The following SLC30A4 variants were observed in gnomAD, a reference collection of about 807,000 sequenced individuals.
SLC30A4 encodes solute carrier family 30 member 4, also known as probable proton-coupled zinc antiporter SLC30A4.
SLC30A4 carries 20 observed loss-of-function variants against 41.7 expected under a neutral mutation model. That is an observed-to-expected ratio of 0.48 (90% CI 0.34 to 0.70). SLC30A4 has a LOEUF of 0.70. Among genes scored for constraint, SLC30A4 ranks in the 30% least tolerant of loss-of-function variants. The pLI is 0.01. For missense variants in SLC30A4, 441 were observed against 529.3 expected, an observed-to-expected ratio of 0.83 and a Z score of 1.64; for synonymous variants, 181 against 195.9, an observed-to-expected ratio of 0.92 and a Z score of 0.64.
intron 3 of SLC30A4, chr15:45,503,079 T>G (rs1161744669): frequency 1.3e-5 from 2 of 152,094 alleles, no homozygotes; most frequent in Non-Finnish European, 1.5e-5. Context: ...ATTATCAGTT[T>G]CTATACACCT....
rs1482982734 is a variant in SLC30A4 at position 45,485,030 on chromosome 15, A to G, written c.*133T>C. On this transcript the variant is annotated 3_prime_UTR_variant, in exon 8 of 8. Coordinates refer to ENST00000261867, the MANE Select transcript of SLC30A4 (RefSeq NM_013309.6). ...AGACTAGCACTGTCAGGCTGGGGCA[A>G]CTGTTTGAGAGACTGATGCTTGATA... 2 of 658,094 alleles carry G rather than the reference A, an allele frequency of 3.0e-6. No homozygotes were observed. Among genetic ancestry groups the G allele is most frequent in the African/African-American group, 3.7e-5 (2 of 54,020 alleles). 40.8% of individuals were successfully genotyped at this position (658,094 alleles called of 1,614,324 possible).
chr15:45,508,273 T>TTCTTG (rs1892202515), intron 3 of SLC30A4, among the ~76,000 whole-genome samples: 1 of 152,216 alleles, frequency 6.6e-6, no homozygotes, highest in African/African-American at 2.4e-5. Flanking sequence ...TCCACACTAA[T>TTCTTG]TCTTAGTTTT....
chr15:45,511,341 A>T (rs1017076817), intron 2 of SLC30A4, 57 bp from the exon 3 acceptor site: 1 of 1,303,528 alleles, frequency 7.7e-7, no homozygotes, highest in Admixed American at 2.3e-5. Flanking sequence ...AAAAGCAAGC[A>T]ATCAAACTAG....
rs1891689753 is a variant in SLC30A4, at chr15:45,485,738, A to G, written c.1136-421T>C. On this transcript the variant is annotated intron_variant, in intron 7 of 7. Transcript: ENST00000261867. ...TCTTTCTTTTTTTTTTTTTTTTAAG[A>G]TGGAGTTTCGCTCTTGTTGCCCAGG... 4.8e-5 allele frequency among the ~76,000 whole-genome samples: 7 copies of G among 146,958 alleles called. No individual in the cohort carries two copies. The South Asian group carries it at 1.5e-3, about 32-fold the overall frequency.
intron 3 of SLC30A4, among the ~76,000 whole-genome samples, chr15:45,493,694 C>T (rs763577246): frequency 1.6e-4 from 25 of 152,014 alleles, no homozygotes; most frequent in Non-Finnish European, 3.5e-4. Flanking sequence ...GGCGTGGTGG[C>T]GGGCCCCTGT....
intron 2 of SLC30A4, chr15:45,520,790 T>C (rs764281548): frequency 7.5e-5 from 19 of 254,570 alleles, no homozygotes; most frequent in South Asian, 1.3e-4. Flanking sequence ...CATATATTTA[T>C]ACACATGTGA....
Position 45,522,626 on chromosome 15 carries a change from C to T in SLC30A4, c.-134G>A. ...TAATACCTGGGGCGCTGCCGCGGGG[C>T]CGCAACTCATCTCCCCGCCCCCGGC... On this transcript the variant is annotated 5_prime_UTR_variant, in exon 1 of 8. Coordinates refer to ENST00000261867, the MANE Select transcript of SLC30A4 (RefSeq NM_013309.6). 3.2e-6 allele frequency: 1 copy of T among 314,578 alleles called. No homozygotes were observed. Among genetic ancestry groups the T allele is most frequent in the Admixed American group, 5.0e-5 (1 of 20,108 alleles). The allele number at this position is 314,578 out of a possible 1,614,324, so 19.5% of individuals were successfully genotyped here.
At chr15:45,518,949 T>C (rs906867975) in intron 2 of SLC30A4, among the ~76,000 whole-genome samples, 4 of 152,004 alleles carry the variant, frequency 2.6e-5, no homozygotes, top group Non-Finnish European at 5.9e-5. Flanking sequence ...ATATATTTTA[T>C]TTAATGTAGT....
At chr15:45,490,472 C>T (rs758435427) in intron 4 of SLC30A4, among the ~76,000 whole-genome samples, 8 of 152,114 alleles carry the variant, frequency 5.3e-5, no homozygotes, top group Non-Finnish European at 1.0e-4. Flanking sequence ...CTAGTTAACA[C>T]AAAAGTATTC....
At position 45,480,773 on chromosome 15, in the gene SLC30A4, C is replaced by T. The variant is rs1378287506; in HGVS notation, c.*4390G>A. The T allele has an allele frequency of 7.0e-6, 1 of 142,040 alleles. No homozygotes were observed. The highest frequency in any genetic ancestry group is 1.5e-5 in the Non-Finnish European group (1 of 67,082). 8.8% of individuals were successfully genotyped at this position (142,040 alleles called of 1,614,324 possible). The stretch of plus-strand genomic sequence containing the variant: ...AATAGATTTAGCTAACTGCTTGTTT[C>T]AAAATCAAATAAGTCTACAAAAGCT... On this transcript the variant is annotated 3_prime_UTR_variant, in exon 8 of 8. Transcript: ENST00000261867.
Position 45,479,822 on chromosome 15 carries a change from A to G in SLC30A4, c.*5341T>C, listed in dbSNP as rs918471417. ...TAAGTGTATAGGAAATTACAATGTG[A>G]AAGTTGCAAATACAGCACATATATA... is the stretch of plus-strand genomic sequence containing the variant. On this transcript the variant is annotated 3_prime_UTR_variant, in exon 8 of 8. Transcript: ENST00000261867. 6.7e-6 allele frequency: 1 copy of G among 149,620 alleles called. No homozygotes were observed. The highest frequency in any genetic ancestry group is 1.5e-5 in the Non-Finnish European group (1 of 67,780). 9.3% of individuals were successfully genotyped at this position (149,620 alleles called of 1,614,324 possible). A position where few individuals can be genotyped will look rare whatever the true frequency, so the allele number is the denominator to read the frequency against.
intron 3 of SLC30A4, among the ~76,000 whole-genome samples, chr15:45,508,177 T>A (rs1892199318): frequency 6.6e-6 from 1 of 151,992 alleles, no homozygotes; most frequent in Admixed American, 6.6e-5. Context: ...CTATATTCCT[T>A]TAGGATGAGT....
chr15:45,502,085 A>AT (rs1405523072), intron 3 of SLC30A4: 1 of 151,182 alleles, frequency 6.6e-6, no homozygotes, highest in Non-Finnish European at 1.5e-5. Flanking sequence ...CATATTATAT[A>AT]TTAGTGACTT....
intron 3 of SLC30A4, among the ~76,000 whole-genome samples, chr15:45,491,247 T>C (rs1891804253): frequency 6.6e-6 from 1 of 152,160 alleles, no homozygotes; most frequent in South Asian, 2.1e-4. Context: ...GGTTAGCAGC[T>C]TGACTGATAT....
At chr15:45,499,081 A>AT (rs58257947) in intron 3 of SLC30A4, among the ~76,000 whole-genome samples, 23,253 of 132,842 alleles carry the variant, frequency 0.18, 2,278 homozygotes, top group East Asian at 0.39. Flanking sequence ...GCCTAGGCTG[A>AT]TTTTTTTTTT....
At chr15:45,504,865 T>A (rs143308106) in intron 3 of SLC30A4, among the ~76,000 whole-genome samples, 1 of 152,190 alleles carries the variant, frequency 6.6e-6, no homozygotes, top group Non-Finnish European at 1.5e-5. Flanking sequence ...AGCCAAACTA[T>A]TGGTCTCAGG....
intron 3 of SLC30A4, among the ~76,000 whole-genome samples, chr15:45,504,151 C>G (rs923024152): frequency 6.6e-6 from 1 of 152,134 alleles, no homozygotes; most frequent in Non-Finnish European, 1.5e-5. Context: ...ATTCCAGATT[C>G]AGTTTAAACT....
intron 3 of SLC30A4, among the ~76,000 whole-genome samples, chr15:45,508,347 G>A (rs933180600): frequency 1.3e-5 from 2 of 152,188 alleles, no homozygotes; most frequent in African/African-American, 2.4e-5. Context: ...GGCGGAAAGT[G>A]TAGGCTGCCT....
At chr15:45,500,719 G>A (rs529123229) in intron 3 of SLC30A4, among the ~76,000 whole-genome samples, 4 of 151,212 alleles carry the variant, frequency 2.6e-5, no homozygotes, top group African/African-American at 9.7e-5. Context: ...TTTCGCTCTT[G>A]TTGCCCAGGC....
Sources: gnomAD v4.1 joint callset for allele counts (sites outside exome capture counted in the v4.1 genomes callset) on GRCh38, gnomAD v4.1.1 for gene constraint, MANE v1.5 for transcripts, NCBI Gene and HGNC (gene_info 2026-07-23, HGNC 2026-07-21) for gene names.